NOL10: variants seen among roughly 807,000 people sequenced by gnomAD.
The protein encoded by NOL10 is nucleolar protein 10.
NOL10 carries 58 observed loss-of-function variants against 103.5 expected under a neutral mutation model. The ratio of observed to expected loss-of-function variants is 0.56; its 90% confidence interval spans 0.45 to 0.70. NOL10 has a LOEUF of 0.70. Among genes scored for constraint, NOL10 ranks in the 30% least tolerant of loss-of-function variants. The pLI is 0.00. For synonymous variants in NOL10, 287 were observed against 282.5 expected (o/e 1.02, Z -0.16); for missense variants, 763 against 807.3 (o/e 0.95, Z 0.67).
intron 3 of NOL10, 135 bp downstream of exon 3, chr2:10,681,836 T>C (rs1271244449): frequency 3.5e-5 from 14 of 398,824 alleles, no homozygotes; most frequent in Non-Finnish European, 6.3e-5. Context: ...GTGTTTACTA[T>C]ACAATTTTTT....
chr2:10,657,812 T>A lies in NOL10; in HGVS notation c.836A>T (p.His279Leu). Residue 279 changes from histidine (H) to leucine (L), a missense_variant, in exon 11 of 21, where the codon CAT becomes CTT. Physicochemically the swap from His to Leu is moderately conservative, Grantham distance 99 (BLOSUM62 -3). Coordinates refer to ENST00000381685, the MANE Select transcript of NOL10 (RefSeq NM_024894.4). Reference protein sequence around the residue: ...HQYGLPIKSVHFQDSLDLILS... With the variant: ...HQYGLPIKSVLFQDSLDLILS... ...AATCAGATCTAATGAATCCTGGAAA[T>A]GAACGGACTTAATGGGCAGCCCATA... 6.4e-7 allele frequency: 1 copy of A among 1,551,318 alleles called. No homozygotes were observed. Among genetic ancestry groups the A allele is most frequent in the African/African-American group, 1.4e-5 (1 of 73,156 alleles).
intron 12 of NOL10, among the ~76,000 whole-genome samples, chr2:10,648,944 TCAAAAAAACA>T (rs1311308469): frequency 6.6e-6 from 1 of 151,394 alleles, no homozygotes; most frequent in Non-Finnish European, 1.5e-5. Context: ...ATATCCTGGT[TCAAAAAAACA>T]CAAAAAACAA....
intron 8 of NOL10, 99 bp from the exon 9 acceptor site, chr2:10,663,143 G>C (rs1680317742): frequency 1.2e-6 from 1 of 865,204 alleles, no homozygotes; most frequent in Non-Finnish European, 1.9e-6. Flanking sequence ...GAGGCGGGCT[G>C]ATCACCTGAA....
chr2:10,597,635 T>C (rs1275276979), intron 17 of NOL10, among the ~76,000 whole-genome samples: 1 of 152,216 alleles, frequency 6.6e-6, no homozygotes, highest in African/African-American at 2.4e-5. Context: ...AAAGACCATA[T>C]ATAAATATTT....
At position 10,671,592 on chromosome 2, in the gene NOL10, G is replaced by GT. The variant is rs751843888; in HGVS notation, c.425dup (p.Tyr142Ter). Reference protein sequence around the residue: ...RIPKFGRDFSYHYPSCDLYFV... With the variant: ...RIPKFGRDFS Reference sequence around the variant, plus strand: ...AGTACAAGTCACAGGATGGATAGTGGTAAGAGAAATCTCTCCCAAACTTTG... The same window carrying GT: ...AGTACAAGTCACAGGATGGATAGTGGTTAAGAGAAATCTCTCCCAAACTTTG... The change falls in exon 6 of 21, where the codon TAC becomes TAAC. Residue 142 changes from tyrosine to a stop codon, truncating the protein, a stop_gained and frameshift_variant. Coordinates refer to ENST00000381685, the MANE Select transcript of NOL10 (RefSeq NM_024894.4). LOFTEE classifies it high-confidence loss of function. 13 of 1,604,760 alleles carry GT rather than the reference G, an allele frequency of 8.1e-6. No homozygotes were observed. The highest frequency in any genetic ancestry group is 1.7e-5 in the Admixed American group (1 of 58,668).
At chr2:10,668,298 G>T (rs570827989) in intron 7 of NOL10, among the ~76,000 whole-genome samples, 1 of 152,140 alleles carries the variant, frequency 6.6e-6, no homozygotes, top group Non-Finnish European at 1.5e-5. Context: ...TCCGCTAGCA[G>T]AGCATAAAAA....
intron 19 of NOL10, among the ~76,000 whole-genome samples, chr2:10,588,542 A>T (rs1227384368): frequency 1.3e-5 from 2 of 152,190 alleles, no homozygotes; most frequent in Non-Finnish European, 2.9e-5. Context: ...GGTAAACATA[A>T]CCGAGGTTCT....
At chr2:10,596,785 T>C (rs995277712) in intron 17 of NOL10, among the ~76,000 whole-genome samples, 2 of 152,036 alleles carry the variant, frequency 1.3e-5, no homozygotes, top group Non-Finnish European at 2.9e-5. Flanking sequence ...TCAGAGACTT[T>C]AAGGCCACAG....
chr2:10,629,002 C>G (rs564501183), intron 13 of NOL10, among the ~76,000 whole-genome samples: 1 of 152,214 alleles, frequency 6.6e-6, no homozygotes, highest in East Asian at 1.9e-4. Flanking sequence ...CAAGTTTAGT[C>G]CAGGACATAT....
At chr2:10,675,012 G>A (rs1471798752) in intron 4 of NOL10, among the ~76,000 whole-genome samples, 1 of 152,116 alleles carries the variant, frequency 6.6e-6, no homozygotes, top group East Asian at 1.9e-4. Context: ...AGACCAGCCT[G>A]GGCAACATGG....
chr2:10,623,827 AAAC>A (rs1400753061), intron 13 of NOL10, among the ~76,000 whole-genome samples: 3 of 152,250 alleles, frequency 2.0e-5, no homozygotes, highest in Non-Finnish European at 2.9e-5. Flanking sequence ...TTGCAAATTA[AAAC>A]AACAATAAGA....
intron 17 of NOL10, among the ~76,000 whole-genome samples, chr2:10,591,604 G>A (rs1269334434): frequency 1.3e-5 from 2 of 152,132 alleles, no homozygotes; most frequent in South Asian, 2.1e-4. Flanking sequence ...AGGAGGAGGG[G>A]GAGGAAGAAG....
intron 8 of NOL10, among the ~76,000 whole-genome samples, chr2:10,665,919 C>A (rs1020083854): frequency 6.6e-6 from 1 of 152,238 alleles, no homozygotes; most frequent in East Asian, 1.9e-4. Context: ...TCTGGGGGTA[C>A]GTGCAGGTTT....
intron 12 of NOL10, among the ~76,000 whole-genome samples, chr2:10,648,059 C>T (rs965098698): frequency 6.6e-5 from 10 of 152,162 alleles, no homozygotes; most frequent in African/African-American, 1.9e-4. Context: ...GTCATAGAGC[C>T]GTGCTGTCTC....
rs570390362 is a variant in NOL10 at position 10,586,717 on chromosome 2, C to A, written c.1844+2326G>T. ...AACATGAAGACAACAAGGATGAAGA[C>A]CTTTACAATGATCCTCTCCTACCTA... On this transcript the variant is annotated intron_variant, in intron 19 of 20. Coordinates refer to ENST00000381685, the MANE Select transcript of NOL10 (RefSeq NM_024894.4). 1.9e-4 allele frequency among the ~76,000 whole-genome samples: 29 copies of A among 152,206 alleles called. 1 individual carries two copies. In the South Asian group the frequency reaches 6.0e-3, roughly 32 times the overall value.
chr2:10,671,824 T>C (rs995322233), intron 5 of NOL10, 134 bp from the exon 6 acceptor site: 2 of 609,004 alleles, frequency 3.3e-6, no homozygotes, highest in East Asian at 2.9e-5. Context: ...CACATGTCCA[T>C]GCACACACAC....
intron 19 of NOL10, among the ~76,000 whole-genome samples, chr2:10,582,129 T>C (rs918936252): frequency 6.6e-6 from 1 of 152,248 alleles, no homozygotes; most frequent in Non-Finnish European, 1.5e-5. Flanking sequence ...GATTTTTAAA[T>C]GCTTATATTA....
chr2:10,619,311 T>G (rs1311709572), intron 13 of NOL10, among the ~76,000 whole-genome samples: 2 of 29,646 alleles, frequency 6.7e-5, no homozygotes, highest in Non-Finnish European at 1.1e-4. Flanking sequence ...CCTAGCTAAT[T>G]TATTTTTTAA....
chr2:10,667,920 A>T (rs1680661682), intron 7 of NOL10, among the ~76,000 whole-genome samples: 1 of 152,160 alleles, frequency 6.6e-6, no homozygotes, highest in African/African-American at 2.4e-5. Flanking sequence ...TGTTCACCTA[A>T]CCTTTAAAAA....
Sources: gnomAD v4.1 joint callset for allele counts (sites outside exome capture counted in the v4.1 genomes callset) on GRCh38, gnomAD v4.1.1 for gene constraint, MANE v1.5 for transcripts, NCBI Gene and HGNC (gene_info 2026-07-23, HGNC 2026-07-21) for gene names.